FMNL3: variants seen among roughly 807,000 people sequenced by gnomAD.
The protein encoded by FMNL3 is formin like 3.
In FMNL3, 57 loss-of-function variants were observed where a neutral mutation model predicts 119.6. The observed-to-expected ratio is 0.48, with a 90% CI of 0.39 to 0.59. The LOEUF is 0.59. FMNL3 is among the 20% of genes least tolerant of loss of function. The pLI is 0.00. For synonymous variants in FMNL3, 491 were observed against 507.3 expected, an observed-to-expected ratio of 0.97 and a Z score of 0.43; for missense variants, 1,053 against 1,323.5, an observed-to-expected ratio of 0.80 and a Z score of 3.17.
Position 49,648,247 on chromosome 12 carries a change from G to A in FMNL3, c.2622C>T (p.Leu874=), listed in dbSNP as rs757768793. 3 of 1,614,066 alleles carry A rather than the reference G, an allele frequency of 1.9e-6. No homozygotes were observed. In the Admixed American group the frequency reaches 5.0e-5, roughly 27 times the overall value. ...TGTCTAGTTTGCCTTCATTGGTACT[G>A]AGGAAGTTCCGGAGGACGCTGTTGT... ...IHDNSVLRNF[L]STNEGKLDKL... The change falls in exon 22 of 26, where the codon CTC becomes CTT. Residue 874 remains leucine, a synonymous_variant. Coordinates refer to ENST00000335154, the MANE Select transcript of FMNL3 (RefSeq NM_175736.5).
At chr12:49,671,496 G>T (rs1040359936) in intron 1 of FMNL3, among the ~76,000 whole-genome samples, 2 of 152,252 alleles carry the variant, frequency 1.3e-5, no homozygotes, top group African/African-American at 4.8e-5. Flanking sequence ...ATTCTCAGAA[G>T]AAACGGGTCA....
In FMNL3 at chr12:49,646,925, A is replaced by G; in HGVS notation, c.2956T>C (p.Tyr986His). Reference protein sequence around the residue: ...RRQAKEHRPVYEGKDGTIEDI... With the variant: ...RRQAKEHRPVHEGKDGTIEDI... ...TCGATGGTACCATCCTTCCCCTCAT[A>G]AACAGGCCGGTGTTCCTTGGCCTGG... Residue 986 changes from tyrosine (Y) to histidine (H), a missense_variant, in exon 25 of 26, where the codon TAT (tyrosine) becomes CAT (histidine). By Grantham distance (83) the Tyr-to-His change is moderately conservative. This residue lies in a region of FMNL3 where 324 missense variants were observed against 380.9 expected (regional missense o/e 0.85). Coordinates refer to ENST00000335154, the MANE Select transcript of FMNL3 (RefSeq NM_175736.5). 5 of 1,613,998 alleles carry G rather than the reference A, an allele frequency of 3.1e-6. No homozygotes were observed. Among genetic ancestry groups the G allele is most frequent in the Non-Finnish European group, 4.2e-6 (5 of 1,179,934 alleles).
chr12:49,700,714 CAAAAAAAAAAAA>C (rs59073094), intron 1 of FMNL3, among the ~76,000 whole-genome samples: 1 of 64,006 alleles, frequency 1.6e-5, no homozygotes, highest in Admixed American at 2.2e-4. Flanking sequence ...GACTCCACCT[CAAAAAAAAAAAA>C]AAAAAAAAAG....
chr12:49,642,058 A>T lies in FMNL3; in HGVS notation c.*3757T>A, dbSNP rs1254255078. On this transcript the variant is annotated 3_prime_UTR_variant, in exon 26 of 26. Coordinates refer to ENST00000335154, the MANE Select transcript of FMNL3 (RefSeq NM_175736.5). This position sits in a 1 kb window ranked among gnomAD's most constrained non-coding sequence, Gnocchi z 5.8. ...CTGGGCGGGGCGTGGGAAGTTCTCT[A>T]ATTCATCTGTGTCTTGCTCCATTCC... 4.4e-6 allele frequency: 7 copies of T among 1,607,164 alleles called. No homozygotes were observed. The South Asian group carries it at 7.7e-5, about 18-fold the overall frequency.
chr12:49,665,689 G>A, intron 4 of FMNL3, 143 bp downstream of exon 4: 1 of 809,724 alleles, frequency 1.2e-6, no homozygotes, highest in Admixed American at 2.0e-5. Context: ...AAGCTCTGGG[G>A]AGCCAGAAGC....
intron 1 of FMNL3, among the ~76,000 whole-genome samples, chr12:49,698,172 A>C (rs1382510128): frequency 6.6e-6 from 1 of 152,204 alleles, no homozygotes; most frequent in African/African-American, 2.4e-5. Flanking sequence ...AGTAGAAATG[A>C]GCAAACAGGG....
chr12:49,693,489 T>C lies in FMNL3; in HGVS notation c.126+13566A>G, dbSNP rs145537988. On this transcript the variant is annotated intron_variant, in intron 1 of 25. Coordinates refer to ENST00000335154, the MANE Select transcript of FMNL3 (RefSeq NM_175736.5). Reference sequence around the variant, plus strand: ...ACCTCCCAGGTTCAAGTGATTCTCGTGCCTCAGCCTCTCCAGTAGCTGGGA... The same window carrying C: ...ACCTCCCAGGTTCAAGTGATTCTCGCGCCTCAGCCTCTCCAGTAGCTGGGA... 5.9e-4 allele frequency among the ~76,000 whole-genome samples: 90 copies of C among 151,990 alleles called. No individual in the cohort carries two copies. In the East Asian group the frequency reaches 0.014, roughly 24 times the overall value.
chr12:49,647,676 CT>C lies in FMNL3; in HGVS notation c.2778+26del, dbSNP rs2138706447. 1 of 1,604,294 alleles carries C rather than the reference CT, an allele frequency of 6.2e-7. No individual in the cohort carries two copies. The highest frequency in any genetic ancestry group is 2.2e-5 in the East Asian group (1 of 44,822). On this transcript the variant is annotated intron_variant, in intron 23 of 25. Transcript: ENST00000335154. This position sits in a 1 kb window ranked among gnomAD's most constrained non-coding sequence, Gnocchi z 4.9. ...CCCAGCCAGTTTTCTCGCAACCAAACTTCTTAAAAAGCTCTCTGCAGCTTAC... is the reference window on the plus strand; with the variant it reads ...CCCAGCCAGTTTTCTCGCAACCAAACTCTTAAAAAGCTCTCTGCAGCTTAC...
intron 21 of FMNL3, 136 bp from the exon 22 acceptor site, chr12:49,648,489 A>G: frequency 1.1e-6 from 1 of 876,560 alleles, no homozygotes; most frequent in Non-Finnish European, 1.6e-6. Flanking sequence ...GACATAAGGA[A>G]GTACACACCA....
At position 49,647,046 on chromosome 12, in the gene FMNL3, C is replaced by T. The variant is rs1468051996; in HGVS notation, c.2872-37G>A. On this transcript the variant is annotated intron_variant, in intron 24 of 25. Coordinates refer to ENST00000335154, the MANE Select transcript of FMNL3 (RefSeq NM_175736.5). This position sits in a 1 kb window ranked among gnomAD's most constrained non-coding sequence, Gnocchi z 4.9. ...AATGTGGAGGGGAAGGAAGTCATCACTAACCTAATGTGGGACTGGTTCCTG... is the reference window on the plus strand; with the variant it reads ...AATGTGGAGGGGAAGGAAGTCATCATTAACCTAATGTGGGACTGGTTCCTG... The T allele has an allele frequency of 8.7e-6, 14 of 1,613,392 alleles. No homozygotes were observed. In the East Asian group the frequency reaches 3.1e-4, roughly 36 times the overall value.
At position 49,703,347 on chromosome 12, in the gene FMNL3, T is replaced by G. The variant is rs80062046; in HGVS notation, c.126+3708A>C. ...TGGACCAAAACACACTGGGACTGTA[T>G]CAGACCAGAGATTGGCTCTCATTCT... On this transcript the variant is annotated intron_variant, in intron 1 of 25. Transcript: ENST00000335154. 7.8e-3 allele frequency among the ~76,000 whole-genome samples: 1,184 copies of G among 152,202 alleles called. 5 individuals carry two copies. Among genetic ancestry groups the G allele is most frequent in the Non-Finnish European group, 0.014 (948 of 68,006 alleles).
At position 49,647,101 on chromosome 12, in the gene FMNL3, C is replaced by T; in HGVS notation, c.2872-92G>A. Reference sequence around the variant, plus strand: ...AAGGTGCAGTCTGAGGATGCCACTGCTTGTGCACTGCTAGGAATCCCCAAA... The same window carrying T: ...AAGGTGCAGTCTGAGGATGCCACTGTTTGTGCACTGCTAGGAATCCCCAAA... On this transcript the variant is annotated intron_variant, in intron 24 of 25. Transcript: ENST00000335154. This position sits in a 1 kb window ranked among gnomAD's most constrained non-coding sequence, Gnocchi z 4.9. 2 of 1,590,590 alleles carry T rather than the reference C, an allele frequency of 1.3e-6. No individual in the cohort carries two copies. Among genetic ancestry groups the T allele is most frequent in the South Asian group, 2.3e-5 (2 of 88,298 alleles).
At chr12:49,694,211 C>G (rs1050931475) in intron 1 of FMNL3, among the ~76,000 whole-genome samples, 4 of 152,152 alleles carry the variant, frequency 2.6e-5, no homozygotes, top group African/African-American at 9.7e-5. Context: ...TGAGCCACCA[C>G]GCCCAGCCTA....
chr12:49,650,095 G>C (rs1052814104), intron 17 of FMNL3, among the ~76,000 whole-genome samples, 170 bp from the exon 18 acceptor site: 2 of 152,050 alleles, frequency 1.3e-5, no homozygotes, highest in African/African-American at 4.8e-5. Flanking sequence ...TGATCCCGGG[G>C]GAACACTCCA....
At chr12:49,650,091 C>T (rs576281940) in intron 17 of FMNL3, among the ~76,000 whole-genome samples, 166 bp from the exon 18 acceptor site, 37 of 152,228 alleles carry the variant, frequency 2.4e-4, no homozygotes, top group Admixed American at 4.6e-4. Flanking sequence ...GCAATGATCC[C>T]GGGGGAACAC....
At position 49,691,978 on chromosome 12, in the gene FMNL3, T is replaced by C. The variant is rs556932721; in HGVS notation, c.126+15077A>G. Among the ~76,000 whole-genome samples the C allele has an allele frequency of 1.5e-3, 201 of 131,538 alleles. 3 individuals carry two copies. The highest frequency in any genetic ancestry group is 5.5e-3 in the African/African-American group (185 of 33,598). 86.3% of individuals were successfully genotyped at this position (131,538 alleles called of 152,430 possible). On this transcript the variant is annotated intron_variant, in intron 1 of 25. Transcript: ENST00000335154. ...TGAACCCGGGAGGTGGAGGTTGCAG[T>C]GAACCAAGATCACGCCACTGCACTC...
At chr12:49,652,294 G>T in intron 13 of FMNL3, 82 bp from the exon 14 acceptor site, 1 of 1,503,538 alleles carries the variant, frequency 6.7e-7, no homozygotes, top group South Asian at 1.3e-5. Context: ...CCTACCCAGG[G>T]TTCTCTTAAC....
At position 49,645,919 on chromosome 12, in the gene FMNL3, G is replaced by C. The variant is rs1943163469; in HGVS notation, c.2996-16C>G. 2 of 1,608,828 alleles carry C rather than the reference G, an allele frequency of 1.2e-6. No homozygotes were observed. The highest frequency in any genetic ancestry group is 1.1e-5 in the South Asian group (1 of 90,232). ...CAGTGGAGGCCTGTGGGGGAAGAGA[G>C]AGACCTGTGAACAGGATGGGAGGGT... On this transcript the variant is annotated splice_polypyrimidine_tract_variant and intron_variant, in intron 25 of 25. Transcript: ENST00000335154.
rs1941835814 is a variant in FMNL3 at position 49,636,586 on chromosome 12, A to G, written c.*9229T>C. On this transcript the variant is annotated 3_prime_UTR_variant, in exon 26 of 26. Transcript: ENST00000335154. ...TGGCTGCTCCCACAGAGCCCCCTCC[A>G]GGCCCTTCCCCCACCACCCTGGGTA... is the stretch of plus-strand genomic sequence containing the variant. 35 of 1,271,482 alleles carry G rather than the reference A, an allele frequency of 2.8e-5. No homozygotes were observed. In the South Asian group the frequency reaches 4.6e-4, roughly 17 times the overall value. The allele number at this position is 1,271,482 out of a possible 1,614,324, so 78.8% of individuals were successfully genotyped here. A position where few individuals can be genotyped will look rare whatever the true frequency, so the allele number is the denominator to read the frequency against.
Sources: gnomAD v4.1 joint callset for allele counts (sites outside exome capture counted in the v4.1 genomes callset) on GRCh38, gnomAD v4.1.1 for gene constraint, gnomAD v4.1.1 regional missense constraint, Gnocchi (gnomAD v3.1) non-coding constraint, MANE v1.5 for transcripts, NCBI Gene and HGNC (gene_info 2026-07-23, HGNC 2026-07-21) for gene names.